NBN: variants seen among roughly 807,000 people sequenced by gnomAD.
NBN encodes Nijmegen breakage syndrome 1 (nibrin).
Under a neutral mutation model 90.8 loss-of-function variants are expected in NBN, and 88 were observed. The observed-to-expected ratio is 0.97, with a 90% confidence interval of 0.82 to 1.16. The LOEUF is 1.16. NBN is among the 50% of genes most tolerant of loss of function. NBN has a pLI of 0.00. For missense variants in NBN, 894 were observed against 869.6 expected (o/e 1.03, Z -0.35); for synonymous variants, 328 against 295.1 (o/e 1.11, Z -1.14).
At chr8:89,965,565 T>C (rs1811215901) in intron 7 of NBN, among the ~76,000 whole-genome samples, 2 of 152,020 alleles carry the variant, frequency 1.3e-5, no homozygotes, top group Admixed American at 1.3e-4. Flanking sequence ...CATGGCTCAC[T>C]GCAACCTCTG....
chr8:89,961,546 T>G, intron 8 of NBN, among the ~76,000 whole-genome samples: 1 of 152,224 alleles, frequency 6.6e-6, no homozygotes, highest in East Asian at 1.9e-4. Context: ...GGTAATCATT[T>G]GTAGAATGAG....
At chr8:89,967,052 A>G (rs1811287598) in intron 7 of NBN, among the ~76,000 whole-genome samples, 2 of 152,218 alleles carry the variant, frequency 1.3e-5, no homozygotes, top group South Asian at 4.1e-4. Flanking sequence ...GTGTCATTTC[A>G]TTATGACATC....
intron 2 of NBN, chr8:89,982,380 A>G: frequency 2.9e-6 from 1 of 350,866 alleles, no homozygotes; most frequent in South Asian, 2.6e-5. Context: ...ATAAAAACAC[A>G]TTACTGCTAA....
intron 11 of NBN, among the ~76,000 whole-genome samples, chr8:89,952,965 T>C (rs1242285545): frequency 6.6e-6 from 1 of 152,204 alleles, no homozygotes; most frequent in Admixed American, 6.5e-5. Context: ...CTCCTACACT[T>C]ATCATCATAG....
At chr8:89,977,435 G>T (rs1040582379) in intron 5 of NBN, among the ~76,000 whole-genome samples, 4 of 152,140 alleles carry the variant, frequency 2.6e-5, no homozygotes, top group African/African-American at 9.7e-5. Context: ...ATTCCATGGT[G>T]TATATGTGCA....
At chr8:89,964,560 T>C in intron 7 of NBN, 53 bp from the exon 8 acceptor site, 2 of 1,504,834 alleles carry the variant, frequency 1.3e-6, no homozygotes, top group Non-Finnish European at 1.8e-6. Flanking sequence ...TAGCAACTTT[T>C]ATTCAGATAA....
chr8:89,971,225 T>C lies in NBN; in HGVS notation c.650A>G (p.Glu217Gly). ...TTTCCCTTTGAAGATTTGTTTTCTT[T>C]CCTGCCGTCCTGACAGATCAACATT... ...SKNVDLSGRQ[E>G]RKQIFKGKTF... Residue 217 changes from glutamate (E) to glycine (G), a missense_variant, in exon 6 of 16, where the codon GAA (glutamate) becomes GGA (glycine). Physicochemically the swap from Glu to Gly is moderately conservative, Grantham distance 98. Coordinates refer to ENST00000265433, the MANE Select transcript of NBN (RefSeq NM_002485.5). 6.2e-7 allele frequency: 1 copy of C among 1,613,402 alleles called. No individual in the cohort carries two copies. The highest frequency in any genetic ancestry group is 8.5e-7 in the Non-Finnish European group (1 of 1,179,568).
At chr8:89,937,360 C>T (rs1221644271) in intron 14 of NBN, 1 of 414,810 alleles carries the variant, frequency 2.4e-6, no homozygotes, top group Non-Finnish European at 4.5e-6. Context: ...AACACTCTTT[C>T]CAGCAAAACC....
intron 7 of NBN, among the ~76,000 whole-genome samples, chr8:89,968,203 G>A (rs567451391): frequency 6.6e-6 from 1 of 152,210 alleles, no homozygotes; most frequent in East Asian, 1.9e-4. Flanking sequence ...AGGCTGCAGT[G>A]AGCCAAGATC....
rs1554567892 is a variant in NBN at position 89,980,768 on chromosome 8, TG to T, written c.445del (p.His149ThrfsTer7). ...AACTTTCACTGATACCATGACAAGG[TG>T]AGTGCATTCTTCTGTCCAATTGTTT... ...TVNNWTEECTHLVMVSVKVTI... is the reference protein window; with the variant it reads ...TVNNWTEECTXLVMVSVKVTI... On this transcript the variant is annotated frameshift_variant, in exon 4 of 16. Coordinates refer to ENST00000265433, the MANE Select transcript of NBN (RefSeq NM_002485.5). LOFTEE classifies it high-confidence loss of function. 1.2e-6 allele frequency: 2 copies of T among 1,613,486 alleles called. No homozygotes were observed. Among genetic ancestry groups the T allele is most frequent in the Non-Finnish European group, 1.7e-6 (2 of 1,179,574 alleles).
chr8:89,935,513 A>C lies in NBN; in HGVS notation c.*69T>G. The stretch of plus-strand genomic sequence containing the variant: ...TCGCTTCTATACACTATATATTCAT[A>C]TAACCTTGTTGGCCTGAAGTAGATG... On this transcript the variant is annotated 3_prime_UTR_variant, in exon 16 of 16. Coordinates refer to ENST00000265433, the MANE Select transcript of NBN (RefSeq NM_002485.5). 4 of 1,588,674 alleles carry C rather than the reference A, an allele frequency of 2.5e-6. No individual in the cohort carries two copies. The South Asian group carries it at 4.4e-5, about 18-fold the overall frequency.
chr8:89,967,392 C>A (rs1811306162), intron 7 of NBN, among the ~76,000 whole-genome samples: 1 of 152,152 alleles, frequency 6.6e-6, no homozygotes, highest in Admixed American at 6.5e-5. Context: ...CTAGGGGTAA[C>A]CACGTAAGTT....
chr8:89,982,422 C>A, intron 2 of NBN: 1 of 413,454 alleles, frequency 2.4e-6, no homozygotes, highest in East Asian at 5.2e-5. Flanking sequence ...TTGCACCAAA[C>A]TAATAGTAAA....
chr8:89,959,464 CA>C (rs1438851403), intron 8 of NBN, among the ~76,000 whole-genome samples: 1 of 152,252 alleles, frequency 6.6e-6, no homozygotes, highest in Middle Eastern at 3.4e-3. Context: ...ATTCTAATAA[CA>C]ATTCAAGCCA....
chr8:89,959,900 C>T (rs1171670461), intron 8 of NBN, among the ~76,000 whole-genome samples: 1 of 152,124 alleles, frequency 6.6e-6, no homozygotes, highest in Non-Finnish European at 1.5e-5. Context: ...GGTAAAATAG[C>T]CCCTAGAAAA....
chr8:89,968,790 G>C (rs1021657398), intron 7 of NBN, among the ~76,000 whole-genome samples: 2 of 152,092 alleles, frequency 1.3e-5, no homozygotes, highest in African/African-American at 4.8e-5. Flanking sequence ...CTCTGTCTCT[G>C]CCTCTAGACA....
intron 4 of NBN, among the ~76,000 whole-genome samples, chr8:89,978,620 T>C (rs530311443): frequency 8.5e-5 from 13 of 152,268 alleles, no homozygotes; most frequent in East Asian, 7.7e-4. Context: ...TAAAATAAAA[T>C]TCAATTTTAA....
At chr8:89,962,943 C>T (rs1811063895) in intron 8 of NBN, among the ~76,000 whole-genome samples, 1 of 152,172 alleles carries the variant, frequency 6.6e-6, no homozygotes, top group Non-Finnish European at 1.5e-5. Context: ...AGCTTTAAGA[C>T]TCAGCTTGAA....
chr8:89,958,670 A>G lies in NBN; in HGVS notation c.1124+55T>C, dbSNP rs140614752. On this transcript the variant is annotated intron_variant, in intron 9 of 15. Coordinates refer to ENST00000265433, the MANE Select transcript of NBN (RefSeq NM_002485.5). ...ATAAAGGGCATTACTTCCTGAATAT[A>G]CTATTAATTTATTGATAGAATAATA... The G allele has an allele frequency of 5.5e-4, 870 of 1,572,648 alleles. No homozygotes were observed. Among genetic ancestry groups the G allele is most frequent in the Middle Eastern group, 2.0e-3 (12 of 5,860 alleles).
Sources: allele counts gnomAD v4.1 joint callset (sites outside exome capture counted in the v4.1 genomes callset), GRCh38; gene constraint gnomAD v4.1.1; transcripts MANE v1.5; gene names NCBI Gene and HGNC (gene_info 2026-07-23, HGNC 2026-07-21).